Variants in CTNNA2 observed in about 807,000 individuals in gnomAD.
CTNNA2 encodes the protein catenin alpha 2.
CTNNA2 carries 42 observed loss-of-function variants against 101.0 expected under a neutral mutation model. The ratio of observed to expected loss-of-function variants is 0.42; its 90% CI spans 0.32 to 0.54. The LOEUF (loss-of-function observed/expected upper bound fraction) is 0.54, where lower values mean the gene tolerates loss of function less well. Among genes scored for constraint, CTNNA2 ranks in the 20% least tolerant of loss-of-function variants. The probability of loss-of-function intolerance (pLI) is 0.14; values close to 1 mark genes in which losing one functional copy is unlikely to be tolerated. For synonymous variants in CTNNA2, 450 were observed against 456.4 expected (o/e 0.99, Z 0.18); for missense variants, 871 against 1,223.1 (o/e 0.71, Z 4.29).
chr2:80,022,144 G>A (rs1056072419), intron 7 of CTNNA2, among the ~76,000 whole-genome samples: 8 of 152,164 alleles, frequency 5.3e-5, no homozygotes, highest in Admixed American at 2.0e-4. Flanking sequence ...TGACAGCACC[G>A]GTCATTGAAA....
intron 3 of CTNNA2, among the ~76,000 whole-genome samples, chr2:79,850,300 CCCCTCCCTTCCTT>C (rs1680585635): frequency 1.7e-5 from 1 of 57,152 alleles, no homozygotes; most frequent in African/African-American, 1.0e-4. Context: ...CCCTCCCTCC[CCCCTCCCTTCCTT>C]TCTTCCTTCA....
At chr2:80,458,983 A>C (rs1290911772) in intron 9 of CTNNA2, among the ~76,000 whole-genome samples, 9 of 152,310 alleles carry the variant, frequency 5.9e-5, no homozygotes, top group African/African-American at 2.2e-4. Flanking sequence ...CCATATTTTT[A>C]CTGGTAACTT....
intron 7 of CTNNA2, among the ~76,000 whole-genome samples, chr2:80,381,564 G>C (rs933653299): frequency 1.3e-5 from 2 of 152,078 alleles, no homozygotes; most frequent in Non-Finnish European, 2.9e-5. Context: ...ATTCTCACAG[G>C]CTTTGGCAAA....
Position 79,220,968 on chromosome 2 carries a change from A to T in CTNNA2, c.-406+22892A>T, listed in dbSNP as rs138767890. Among the ~76,000 whole-genome samples, 151 of 152,356 alleles carry T rather than the reference A, an allele frequency of 9.9e-4. 1 individual carries two copies. The highest frequency in any genetic ancestry group is 3.5e-3 in the African/African-American group (145 of 41,588). On this transcript the variant is annotated intron_variant, in intron 2 of 21. Transcript: ENST00000466387. ...AGCAATAAACATTGAGATTGAACTC[A>T]TGTTTCTCAAAATGCTGCTTCAGTG...
chr2:79,386,463 A>AATGC (rs1270439001), intron 4 of CTNNA2, among the ~76,000 whole-genome samples: 1 of 152,106 alleles, frequency 6.6e-6, no homozygotes, highest in Non-Finnish European at 1.5e-5. Context: ...TTCCTCTTAG[A>AATGC]ATGCACTTTT....
At chr2:79,319,239 A>C (rs528314415) in intron 3 of CTNNA2, among the ~76,000 whole-genome samples, 1 of 152,256 alleles carries the variant, frequency 6.6e-6, no homozygotes, top group East Asian at 1.9e-4. Context: ...GACTTCTTGC[A>C]CCTGTTGCTC....
At chr2:79,201,281 A>G (rs1194764632) in intron 2 of CTNNA2, among the ~76,000 whole-genome samples, 1 of 152,224 alleles carries the variant, frequency 6.6e-6, no homozygotes, top group East Asian at 1.9e-4. Flanking sequence ...CACAATTTAT[A>G]TAATTACTGA....
In CTNNA2 at chr2:79,494,213, C is replaced by T. The variant is rs1421854258; in HGVS notation, c.-134-10841C>T. On this transcript the variant is annotated intron_variant, in intron 4 of 21. Transcript: ENST00000466387. ...GTTAAGATATCTCATGTTCATGGAA[C>T]AGATAACATCCCAAACTTATCTGCA... Among the ~76,000 whole-genome samples the T allele has an allele frequency of 2.0e-5, 3 of 150,764 alleles. No homozygotes were observed. In the East Asian group the frequency reaches 5.8e-4, roughly 29 times the overall value.
chr2:79,371,985 G>T (rs1338655662), intron 3 of CTNNA2, among the ~76,000 whole-genome samples: 1 of 152,164 alleles, frequency 6.6e-6, no homozygotes, highest in Non-Finnish European at 1.5e-5. Flanking sequence ...AAAGCAGAAA[G>T]AGTTGATGGC....
rs113430207 is a variant in CTNNA2, at chr2:79,382,312, A to G, written c.-135+8299A>G. Among the ~76,000 whole-genome samples, 330 of 152,206 alleles carry G rather than the reference A, an allele frequency of 2.2e-3. 2 individuals carry two copies. Among genetic ancestry groups the G allele is most frequent in the African/African-American group, 7.4e-3 (307 of 41,544 alleles). On this transcript the variant is annotated intron_variant, in intron 4 of 21. Coordinates refer to the CTNNA2 transcript ENST00000466387. ...TTTCCTGAGCTTTTAGCTTGTAGAC[A>G]TTAGATCATGGGACTTCTCAGCCTC... is the stretch of plus-strand genomic sequence containing the variant.
chr2:79,724,835 A>G (rs1272913552), intron 2 of CTNNA2, among the ~76,000 whole-genome samples: 1 of 149,672 alleles, frequency 6.7e-6, no homozygotes, highest in East Asian at 2.0e-4. Flanking sequence ...AAAAAAAAAA[A>G]AGGAAAAGAA....
At chr2:80,208,087 A>G (rs1041704211) in intron 7 of CTNNA2, among the ~76,000 whole-genome samples, 1 of 152,214 alleles carries the variant, frequency 6.6e-6, no homozygotes, top group African/African-American at 2.4e-5. Flanking sequence ...TTATTGCTTA[A>G]GCAAGACCAA....
intron 4 of CTNNA2, among the ~76,000 whole-genome samples, chr2:79,456,325 AT>A (rs1003569669): frequency 3.3e-5 from 5 of 151,828 alleles, no homozygotes. Context: ...TAGTCCTTTG[AT>A]TTTTTCATAA....
chr2:80,161,759 T>G (rs1558864254), intron 7 of CTNNA2, among the ~76,000 whole-genome samples: 1 of 152,220 alleles, frequency 6.6e-6, no homozygotes, highest in Non-Finnish European at 1.5e-5. Context: ...AGGGGATTTA[T>G]GCTAACACTG....
intron 4 of CTNNA2, among the ~76,000 whole-genome samples, chr2:79,446,123 T>C (rs1459001716): frequency 3.3e-5 from 5 of 152,100 alleles, no homozygotes; most frequent in Non-Finnish European, 7.4e-5. Context: ...CTTATATTTG[T>C]ATTTTCTTTT....
chr2:80,545,816 A>G, intron 10 of CTNNA2, 91 bp from the exon 11 acceptor site: 1 of 1,298,952 alleles, frequency 7.7e-7, no homozygotes, highest in South Asian at 1.5e-5. Flanking sequence ...TAGAACGTAC[A>G]GGGTGCATGG....
rs900684182 is a variant in CTNNA2, at chr2:79,844,181, A to T, written c.299-13832A>T. ...ACAGAATGGGGCTCCCTTTTCTTGG[A>T]AGCAGCCTGCAAGAGGCAGGAAGAC... On this transcript the variant is annotated intron_variant, in intron 3 of 18. Coordinates refer to ENST00000402739, the MANE Select transcript of CTNNA2 (RefSeq NM_001282597.3). 2.7e-4 allele frequency among the ~76,000 whole-genome samples: 41 copies of T among 152,190 alleles called. 1 individual carries two copies. The highest frequency in any genetic ancestry group is 7.3e-5 in the Non-Finnish European group (5 of 68,036).
chr2:79,316,643 A>G (rs1676504339), intron 3 of CTNNA2, among the ~76,000 whole-genome samples: 1 of 151,740 alleles, frequency 6.6e-6, no homozygotes, highest in African/African-American at 2.4e-5. Context: ...CTTTTGTTAA[A>G]TTTATTCCTA....
intron 1 of CTNNA2, among the ~76,000 whole-genome samples, chr2:79,626,581 G>A (rs999754750): frequency 2.0e-5 from 3 of 151,136 alleles, no homozygotes; most frequent in Non-Finnish European, 2.9e-5. Flanking sequence ...GTTAGAGTGT[G>A]TGTGTGTGCA....
Sources: allele counts gnomAD v4.1 joint callset (sites outside exome capture counted in the v4.1 genomes callset), GRCh38; gene constraint gnomAD v4.1.1; transcripts MANE v1.5; gene names NCBI Gene and HGNC (gene_info 2026-07-23, HGNC 2026-07-21).